MICAL1: variants seen among roughly 807,000 people sequenced by gnomAD.
MICAL1 encodes [F-actin]-monooxygenase MICAL1.
MICAL1 carries 95 observed loss-of-function variants against 131.8 expected under a neutral mutation model. The observed-to-expected ratio is 0.72, with a 90% CI of 0.61 to 0.86. The LOEUF (loss-of-function observed/expected upper bound fraction) is 0.86, where lower values mean the gene tolerates loss of function less well. MICAL1 is among the 40% of genes least tolerant of loss of function. The pLI is 0.00. For missense variants in MICAL1, 1,292 were observed against 1,380.6 expected, an observed-to-expected ratio of 0.94 and a Z score of 1.02; for synonymous variants, 546 against 554.2, an observed-to-expected ratio of 0.99 and a Z score of 0.21.
At chr6:109,445,928 T>A (rs921804355) in intron 19 of MICAL1, 66 bp from the exon 20 acceptor site, 1 of 1,554,954 alleles carries the variant, frequency 6.4e-7, no homozygotes, top group Non-Finnish European at 8.7e-7. Context: ...ACAAAGAGCA[T>A]GGTGGTGACG....
At chr6:109,457,964 T>A (rs1775798855), upstream of MICAL1, among the ~76,000 whole-genome samples, 2 of 152,210 alleles carry the variant, frequency 1.3e-5, no homozygotes, top group African/African-American at 2.4e-5. Context: ...ACCTTGGATG[T>A]CACCAACCAC....
chr6:109,457,553 CCAGAGACCATAAG>C (rs1414338526), upstream of MICAL1, among the ~76,000 whole-genome samples: 1 of 147,590 alleles, frequency 6.8e-6, no homozygotes, highest in Non-Finnish European at 1.5e-5. Context: ...CATAAGAGAT[CCAGAGACCATAAG>C]AGATCCCGAG....
rs1775164130 is a variant in MICAL1 at position 109,445,376 on chromosome 6, C to T, written c.2787+40G>A. 5 of 1,613,528 alleles carry T rather than the reference C, an allele frequency of 3.1e-6. No individual in the cohort carries two copies. The East Asian group carries it at 1.1e-4, about 36-fold the overall frequency. ...AGGAACTCTGATCTCAGTCTCAGAA[C>T]TTTGACCCCATCAGAATTTTGGGAA... On this transcript the variant is annotated intron_variant, in intron 21 of 24. Transcript: ENST00000358807.
intron 1 of MICAL1, 116 bp from the exon 2 acceptor site, chr6:109,454,355 G>A: frequency 2.0e-6 from 2 of 1,003,990 alleles, no homozygotes; most frequent in East Asian, 5.3e-5. Flanking sequence ...CCAGTGATTG[G>A]CTCTGCTCCT....
chr6:109,444,351 A>G lies in MICAL1; in HGVS notation c.3056-12T>C. On this transcript the variant is annotated splice_polypyrimidine_tract_variant and intron_variant, in intron 24 of 24. Coordinates refer to ENST00000358807, the MANE Select transcript of MICAL1 (RefSeq NM_022765.4). ...TGTCTTTAGGTTTTCTAAAAGGAGGAGACAAAGCTTAGAGAACAGGGAACT... is the reference window on the plus strand; with the variant it reads ...TGTCTTTAGGTTTTCTAAAAGGAGGGGACAAAGCTTAGAGAACAGGGAACT... 1 of 1,613,284 alleles carries G rather than the reference A, an allele frequency of 6.2e-7. No individual in the cohort carries two copies. The highest frequency in any genetic ancestry group is 8.5e-7 in the Non-Finnish European group (1 of 1,180,020).
chr6:109,445,075 G>A (rs1775147639), intron 22 of MICAL1, 80 bp from the exon 23 acceptor site: 1 of 1,576,996 alleles, frequency 6.3e-7, no homozygotes, highest in Admixed American at 1.7e-5. Context: ...GGGGAGACAG[G>A]AGAGCCGGGT....
Position 109,449,801 on chromosome 6 carries a change from AG to A in MICAL1, c.1308-19del. The A allele has an allele frequency of 6.3e-7, 1 of 1,598,546 alleles. No homozygotes were observed. On this transcript the variant is annotated intron_variant, in intron 9 of 24. Transcript: ENST00000358807. Reference sequence around the variant, plus strand: ...GGCTCTCACTGAGGGGGTGAGGGTAAGGGGCAGGGGCATGAATGGGAGGGCA... The same window carrying A: ...GGCTCTCACTGAGGGGGTGAGGGTAAGGGCAGGGGCATGAATGGGAGGGCA...
rs761040820 is a variant in MICAL1 at position 109,450,561 on chromosome 6, T to C, written c.934-4A>G. On this transcript the variant is annotated splice_region_variant and splice_polypyrimidine_tract_variant and intron_variant, in intron 7 of 24. Transcript: ENST00000358807. ...GCCGATTGGTGTCTGGCCAGTCCTG[T>C]ATGGTCAACAGAGCAGAACCTCAGA... is the stretch of plus-strand genomic sequence containing the variant. 1 of 1,598,738 alleles carries C rather than the reference T, an allele frequency of 6.3e-7. No individual in the cohort carries two copies. The highest frequency in any genetic ancestry group is 8.6e-7 in the Non-Finnish European group (1 of 1,168,588).
intron 1 of MICAL1, chr6:109,464,633 CAA>C (rs2115351655): frequency 6.6e-6 from 1 of 152,226 alleles, no homozygotes; most frequent in South Asian, 2.1e-4. Context: ...CTCTGAGGCT[CAA>C]AGTTTTAAGA....
At chr6:109,465,628 T>A in intron 1 of MICAL1, 1 of 1,538,000 alleles carries the variant, frequency 6.5e-7, no homozygotes, top group South Asian at 1.2e-5. Flanking sequence ...ATGAAAACCA[T>A]TCAATAATAT....
Position 109,454,080 on chromosome 6 carries a change from C to T in MICAL1, c.117G>A (p.Leu39=), listed in dbSNP as rs1775653429. The T allele has an allele frequency of 6.2e-7, 1 of 1,613,840 alleles. No homozygotes were observed. Among genetic ancestry groups the T allele is most frequent in the Admixed American group, 1.7e-5 (1 of 60,016 alleles). The part of the protein sequence containing the change: ...SFQELCGALG[L]EPGGGLPQYH... Reference sequence around the variant, plus strand: ...ACTGGGGCAGCCCCCCACCGGGTTCCAGCCCCAGGGCCCCACACAGCTCCT... The same window carrying T: ...ACTGGGGCAGCCCCCCACCGGGTTCTAGCCCCAGGGCCCCACACAGCTCCT... Residue 39 remains leucine, a synonymous_variant, in exon 2 of 25, where the codon CTG becomes CTA. Transcript: ENST00000358807.
In MICAL1 at chr6:109,446,284, C is replaced by A. The variant is rs201370949; in HGVS notation, c.2433G>T (p.Pro811=). The A allele has an allele frequency of 7.4e-6, 12 of 1,613,440 alleles. No homozygotes were observed. The Admixed American group carries it at 1.7e-4, about 22-fold the overall frequency. The part of the protein sequence containing the change: ...PTRRQIRLSS[P]ERQRLSSLNL... ...TAAGGGAGGACAACCGCTGGCGCTC[C>A]GGGCTGGAGAGGCGGATCTGCCGAC... The change falls in exon 19 of 25, where the codon CCG becomes CCT. Residue 811 remains proline (P), a synonymous_variant. Transcript: ENST00000358807.
chr6:109,450,588 A>T (rs1304394256), intron 7 of MICAL1, 31 bp from the exon 8 acceptor site: 2 of 1,578,214 alleles, frequency 1.3e-6, no homozygotes, highest in Non-Finnish European at 1.7e-6. Context: ...AACCTCAGAG[A>T]CCTCTGAGAG....
chr6:109,445,132 C>G, intron 22 of MICAL1, 65 bp downstream of exon 22: 2 of 1,593,406 alleles, frequency 1.3e-6, no homozygotes, highest in Non-Finnish European at 1.7e-6. Context: ...GGGACTCCTA[C>G]GGGCTGGAGC....
Position 109,447,735 on chromosome 6 carries a change from C to G in MICAL1, c.1945-13G>C. On this transcript the variant is annotated splice_polypyrimidine_tract_variant and intron_variant, in intron 14 of 24. Coordinates refer to ENST00000358807, the MANE Select transcript of MICAL1 (RefSeq NM_022765.4). The stretch of plus-strand genomic sequence containing the variant: ...CCTCTGCATTTTCCTGCAATAAGTC[C>G]TAACAGCTCTAAGTGTGATGTTTTG... 1 of 1,614,082 alleles carries G rather than the reference C, an allele frequency of 6.2e-7. No individual in the cohort carries two copies. The highest frequency in any genetic ancestry group is 8.5e-7 in the Non-Finnish European group (1 of 1,179,984).
upstream of MICAL1, among the ~76,000 whole-genome samples, chr6:109,457,834 A>C (rs1383355098): frequency 6.6e-6 from 1 of 152,230 alleles, no homozygotes; most frequent in Non-Finnish European, 1.5e-5. Flanking sequence ...GCTGACTTGA[A>C]GTTTCAACTT....
Position 109,455,662 on chromosome 6 carries a change from C to T in MICAL1, c.-44+57G>A, listed in dbSNP as rs1057271055. ...GCAGCTGCGTTTCCCCGGAAGCGCA[C>T]CCCACCTCACCCCACCCGGCCGCGG... is the stretch of plus-strand genomic sequence containing the variant. On this transcript the variant is annotated intron_variant, in intron 1 of 24. Coordinates refer to ENST00000358807, the MANE Select transcript of MICAL1 (RefSeq NM_022765.4). The surrounding 1 kb of genome is among the most constrained non-coding windows in gnomAD (Gnocchi z 4.7). The T allele has an allele frequency of 4.1e-6, 4 of 978,240 alleles. No homozygotes were observed. Among genetic ancestry groups the T allele is most frequent in the Non-Finnish European group, 3.6e-6 (3 of 823,442 alleles). 60.6% of individuals were successfully genotyped at this position (978,240 alleles called of 1,614,324 possible).
intron 24 of MICAL1, 132 bp from the exon 25 acceptor site, chr6:109,444,471 C>T: frequency 7.6e-7 from 1 of 1,321,200 alleles, no homozygotes; most frequent in Admixed American, 2.3e-5. Context: ...AGGAGGGTTG[C>T]CAACACCAGT....
upstream of MICAL1, among the ~76,000 whole-genome samples, chr6:109,456,535 TAA>T (rs1775756534): frequency 6.6e-6 from 1 of 151,902 alleles, no homozygotes; most frequent in Non-Finnish European, 1.5e-5. Flanking sequence ...AGACCACCAC[TAA>T]GAGATGGGGA....
Sources: gnomAD v4.1 joint callset for allele counts (sites outside exome capture counted in the v4.1 genomes callset) on GRCh38, gnomAD v4.1.1 for gene constraint, Gnocchi (gnomAD v3.1) non-coding constraint, MANE v1.5 for transcripts, NCBI Gene and HGNC (gene_info 2026-07-23, HGNC 2026-07-21) for gene names.